Variants in ACSM6 observed in about 807,000 individuals in gnomAD.
The protein encoded by ACSM6 is acyl-coenzyme A synthetase ACSM6, mitochondrial.
In ACSM6, 35 loss-of-function variants were observed where a neutral mutation model predicts 51.1. That is an observed-to-expected ratio of 0.69 (90% CI 0.52 to 0.91). The LOEUF is 0.91. Ranked by LOEUF, ACSM6 falls within the 40% of genes least tolerant of loss-of-function variation. The pLI, the probability that ACSM6 is intolerant of heterozygous loss-of-function variation, is 0.00. For missense variants in ACSM6, 509 were observed against 584.1 expected (o/e 0.87, Z 1.32); for synonymous variants, 172 against 207.3 (o/e 0.83, Z 1.46).
At chr10:95,217,035 A>G (rs549599578) in intron 8 of ACSM6, among the ~76,000 whole-genome samples, 168 of 152,326 alleles carry the variant, frequency 1.1e-3, no homozygotes, top group South Asian at 2.1e-3. Context: ...AGTGTTTTCC[A>G]GGTAGATAGG....
intron 2 of ACSM6, among the ~76,000 whole-genome samples, chr10:95,200,714 G>A (rs2034786434): frequency 1.3e-5 from 2 of 151,606 alleles, no homozygotes; most frequent in Admixed American, 1.3e-4. Context: ...AAGAGAAAGA[G>A]ATAAAAGGAG....
At chr10:95,217,357 A>AG (rs2034956887) in intron 8 of ACSM6, among the ~76,000 whole-genome samples, 1 of 148,258 alleles carries the variant, frequency 6.7e-6, no homozygotes, top group African/African-American at 2.5e-5. Context: ...AAAAAAAAAA[A>AG]AGAAAAAGAA....
At chr10:95,198,171 C>T (rs1250091621) in intron 2 of ACSM6, among the ~76,000 whole-genome samples, 1 of 152,080 alleles carries the variant, frequency 6.6e-6, no homozygotes, top group Non-Finnish European at 1.5e-5. Context: ...CTTATGTCCT[C>T]CCTTTCTACA....
At chr10:95,210,850 G>A in intron 5 of ACSM6, 57 bp downstream of exon 5, 1 of 1,557,984 alleles carries the variant, frequency 6.4e-7, no homozygotes, top group South Asian at 1.2e-5. Context: ...CAGGTAAAGG[G>A]AGCTTCATGG....
At chr10:95,214,974 C>A in exon 8 of ACSM6, 1 of 1,551,424 alleles carries the variant, frequency 6.4e-7, no homozygotes, top group Non-Finnish European at 8.7e-7. Flanking sequence ...CAGACGGAAA[C>A]TGTAGGTTGA....
At chr10:95,200,498 A>T (rs1196560243) in intron 2 of ACSM6, among the ~76,000 whole-genome samples, 1 of 151,860 alleles carries the variant, frequency 6.6e-6, no homozygotes, top group Non-Finnish European at 1.5e-5. Flanking sequence ...GAAGAAGAAG[A>T]AAAGAAGAAG....
At chr10:95,214,158 C>G (rs964862650) in intron 7 of ACSM6, among the ~76,000 whole-genome samples, 1 of 152,146 alleles carries the variant, frequency 6.6e-6, no homozygotes, top group Non-Finnish European at 1.5e-5. Flanking sequence ...CTTGCTTAGT[C>G]TTGGGACCTA....
At chr10:95,200,630 A>AAGAAGC in intron 2 of ACSM6, among the ~76,000 whole-genome samples, 1 of 151,002 alleles carries the variant, frequency 6.6e-6, no homozygotes, top group African/African-American at 2.4e-5. Context: ...GAAGAAGAAG[A>AAGAAGC]CTCTAAACAG....
chr10:95,205,951 G>A lies in ACSM6; in HGVS notation c.404-1257G>A, dbSNP rs145339680. ...TTCCCATCAGCCCAGTGAGTAACTC[G>A]AATTAGATGAACTCCCCATTCCATG... On this transcript the variant is annotated intron_variant, in intron 3 of 10. Transcript: ENST00000341686. Among the ~76,000 whole-genome samples the A allele has an allele frequency of 3.1e-4, 47 of 152,210 alleles. 1 individual carries two copies. In the East Asian group the frequency reaches 7.5e-3, roughly 24 times the overall value.
intron 3 of ACSM6, 62 bp downstream of exon 3, chr10:95,202,257 TCA>T: frequency 7.3e-7 from 1 of 1,361,458 alleles, no homozygotes; most frequent in South Asian, 1.2e-5. Context: ...CCTCAGTTAT[TCA>T]CAGAATGGAG....
In ACSM6 at chr10:95,212,798, A is replaced by C. The variant is rs1041405880; in HGVS notation, c.913-60A>C. On this transcript the variant is annotated intron_variant, in intron 6 of 10. Coordinates refer to ENST00000341686, the Ensembl canonical transcript of ACSM6. Reference sequence around the variant, plus strand: ...ACTTTCCCGCCTGGACCCCTGCCACAGTCTCACTGTCTCTCCCACCTCACA... The same window carrying C: ...ACTTTCCCGCCTGGACCCCTGCCACCGTCTCACTGTCTCTCCCACCTCACA... 3.4e-5 allele frequency: 45 copies of C among 1,339,374 alleles called. No homozygotes were observed. The East Asian group carries it at 1.0e-3, about 31-fold the overall frequency. The allele number at this position is 1,339,374 out of a possible 1,614,324, so 83.0% of individuals were successfully genotyped here.
chr10:95,228,482 C>A (rs1255207669), intron 10 of ACSM6, 162 bp from the exon 11 acceptor site: 3 of 596,118 alleles, frequency 5.0e-6, no homozygotes, highest in African/African-American at 3.9e-5. Flanking sequence ...AAGGAAAGTT[C>A]TCCGTGTTTG....
At chr10:95,220,991 C>T (rs992696600) in intron 9 of ACSM6, among the ~76,000 whole-genome samples, 1 of 151,204 alleles carries the variant, frequency 6.6e-6, no homozygotes, top group African/African-American at 2.4e-5. Flanking sequence ...TTGTTTGGGC[C>T]TTTGCATTTA....
At chr10:95,223,710 A>G (rs1409699956) in intron 9 of ACSM6, among the ~76,000 whole-genome samples, 2 of 152,218 alleles carry the variant, frequency 1.3e-5, no homozygotes, top group African/African-American at 4.8e-5. Flanking sequence ...GAAACCCCAT[A>G]GCTCACATCA....
intron 4 of ACSM6, 74 bp from the exon 5 acceptor site, chr10:95,210,576 C>A: frequency 7.0e-7 from 1 of 1,428,934 alleles, no homozygotes; most frequent in Non-Finnish European, 9.4e-7. Context: ...CAGAGATTAC[C>A]AAACCCAGGG....
chr10:95,196,168 C>A (rs989827305), intron 2 of ACSM6, among the ~76,000 whole-genome samples: 24 of 152,236 alleles, frequency 1.6e-4, no homozygotes, highest in Non-Finnish European at 1.5e-5. Context: ...GCATCTGGCA[C>A]CATGCAGAGC....
intron 7 of ACSM6, 125 bp from the exon 8 acceptor site, chr10:95,214,727 C>A: frequency 9.1e-7 from 1 of 1,099,870 alleles, no homozygotes; most frequent in South Asian, 1.6e-5. Flanking sequence ...AGAACATCAA[C>A]CACCACTTAA....
intron 8 of ACSM6, among the ~76,000 whole-genome samples, chr10:95,218,203 A>G (rs1401004845): frequency 2.0e-5 from 3 of 152,258 alleles, no homozygotes; most frequent in African/African-American, 7.2e-5. Context: ...CTCCAGCAAC[A>G]CCTAATAAAC....
chr10:95,207,940 A>C (rs1212124035), intron 4 of ACSM6, among the ~76,000 whole-genome samples: 1 of 152,096 alleles, frequency 6.6e-6, no homozygotes, highest in Non-Finnish European at 1.5e-5. Flanking sequence ...CAGGAGTTCG[A>C]GACCAGCCTG....
Sources: allele counts gnomAD v4.1 joint callset (sites outside exome capture counted in the v4.1 genomes callset), GRCh38; gene constraint gnomAD v4.1.1; transcripts MANE v1.5; gene names NCBI Gene and HGNC (gene_info 2026-07-23, HGNC 2026-07-21).